The following LINGO2 variants were observed in gnomAD, a reference collection of about 807,000 sequenced individuals.
LINGO2 encodes the protein leucine rich repeat and Ig domain containing 2, also known as leucine-rich repeat and immunoglobulin-like domain-containing nogo receptor-interacting protein 2.
Under a neutral mutation model 30.6 loss-of-function variants are expected in LINGO2, and 14 were observed. The observed-to-expected ratio is 0.46, with a 90% CI of 0.30 to 0.72. LINGO2 has a LOEUF of 0.72. LINGO2 is among the 30% of genes least tolerant of loss of function. The pLI is 0.07. For synonymous variants in LINGO2, 317 were observed against 288.5 expected (o/e 1.10, Z -1.00); for missense variants, 729 against 751.7 (o/e 0.97, Z 0.35).
chr9:29,187,063 C>T, the LINGO2 span, among the ~76,000 whole-genome samples: 1 of 151,970 alleles, frequency 6.6e-6, no homozygotes, highest in Non-Finnish European at 1.5e-5. Flanking sequence ...GTTCCTTGTA[C>T]CAACTCACAA....
chr9:28,024,223 T>G (rs1038269782), intron 4 of LINGO2, among the ~76,000 whole-genome samples: 7 of 152,192 alleles, frequency 4.6e-5, no homozygotes, highest in African/African-American at 1.7e-4. Flanking sequence ...TTTAAATAAG[T>G]ACTTTCAGGG....
At chr9:28,414,627 C>T (rs17770336) in intron 2 of LINGO2, among the ~76,000 whole-genome samples, 39,834 of 151,802 alleles carry the variant, frequency 0.26, 5,743 homozygotes, top group Non-Finnish European at 0.32. Flanking sequence ...ACATGCTGGA[C>T]TGTTAAAATA....
intron 4 of LINGO2, among the ~76,000 whole-genome samples, chr9:28,057,109 A>T (rs1009728414): frequency 1.3e-5 from 2 of 152,124 alleles, no homozygotes; most frequent in African/African-American, 4.8e-5. Flanking sequence ...TGCGCTTATG[A>T]ATGAATGCAG....
intron 4 of LINGO2, among the ~76,000 whole-genome samples, chr9:28,019,394 G>A (rs1456567867): frequency 2.0e-5 from 3 of 151,760 alleles, no homozygotes; most frequent in Non-Finnish European, 4.4e-5. Flanking sequence ...TGAGTGCTGG[G>A]TAGGGAACCA....
At chr9:28,553,622 C>T (rs558828106) in intron 1 of LINGO2, among the ~76,000 whole-genome samples, 161 of 152,044 alleles carry the variant, frequency 1.1e-3, no homozygotes, top group Non-Finnish European at 1.9e-3. Flanking sequence ...GGCAGGCCAA[C>T]GTTCAGATTC....
At chr9:28,104,266 G>GTTTGT (rs1826509107) in intron 4 of LINGO2, among the ~76,000 whole-genome samples, 2 of 97,430 alleles carry the variant, frequency 2.1e-5, no homozygotes, top group African/African-American at 3.8e-5. Flanking sequence ...TTTTTTGTTT[G>GTTTGT]TTTTTTTTTT....
At chr9:28,253,692 C>T (rs1358631918) in intron 4 of LINGO2, among the ~76,000 whole-genome samples, 1 of 152,120 alleles carries the variant, frequency 6.6e-6, no homozygotes, top group African/African-American at 2.4e-5. Flanking sequence ...GGGGCAAATG[C>T]CATTACCACC....
the LINGO2 span, among the ~76,000 whole-genome samples, chr9:28,807,222 A>G: frequency 6.6e-6 from 1 of 151,892 alleles, no homozygotes; most frequent in Non-Finnish European, 1.5e-5. Flanking sequence ...ACGGGGTTTC[A>G]CTGTGTTAGC....
chr9:28,427,384 A>G lies in LINGO2; in HGVS notation c.-279+48556T>C, dbSNP rs542834777. 3.9e-5 allele frequency among the ~76,000 whole-genome samples: 6 copies of G among 152,214 alleles called. No homozygotes were observed. In the South Asian group the frequency reaches 8.3e-4, roughly 21 times the overall value. On this transcript the variant is annotated intron_variant, in intron 2 of 5. Coordinates refer to ENST00000379992, the Ensembl canonical transcript of LINGO2. ...CGGTGTGTATGAATACGATCACTTC[A>G]CTACTCAAACAACTAGCTATTATTA...
chr9:28,320,028 T>A (rs1278100196), intron 3 of LINGO2, among the ~76,000 whole-genome samples: 2 of 152,082 alleles, frequency 1.3e-5, no homozygotes, highest in Non-Finnish European at 2.9e-5. Context: ...TTTCAAACAT[T>A]TTGTCTCATT....
intron 1 of LINGO2, among the ~76,000 whole-genome samples, chr9:28,494,626 A>C (rs984091964): frequency 2.6e-5 from 4 of 152,206 alleles, no homozygotes; most frequent in African/African-American, 4.8e-5. Context: ...ATTGATGGAC[A>C]TTTGGGTTGG....
chr9:28,541,802 G>C (rs1054295526), intron 1 of LINGO2, among the ~76,000 whole-genome samples: 2 of 152,126 alleles, frequency 1.3e-5, no homozygotes, highest in Non-Finnish European at 2.9e-5. Context: ...CTTGAATATG[G>C]TAAATCAGTT....
At chr9:29,055,117 G>A in the LINGO2 span, among the ~76,000 whole-genome samples, 1 of 152,164 alleles carries the variant, frequency 6.6e-6, no homozygotes, top group South Asian at 2.1e-4. Flanking sequence ...TACTCAGGAG[G>A]CTGAGGCAGG....
chr9:28,892,310 C>A, the LINGO2 span, among the ~76,000 whole-genome samples: 1 of 151,926 alleles, frequency 6.6e-6, no homozygotes, highest in African/African-American at 2.4e-5. Context: ...TGCCCATACA[C>A]TTTACAGAAA....
chr9:29,089,545 A>G, the LINGO2 span, among the ~76,000 whole-genome samples: 39 of 152,200 alleles, frequency 2.6e-4, 1 homozygote, highest in Middle Eastern at 0.014. Flanking sequence ...TCAACCAAAT[A>G]AACTCCAAAG....
chr9:28,452,571 T>C (rs1201832691), intron 2 of LINGO2, among the ~76,000 whole-genome samples: 2 of 151,874 alleles, frequency 1.3e-5, no homozygotes, highest in African/African-American at 4.8e-5. Flanking sequence ...CCTCATGCAA[T>C]ACACTGTTAG....
chr9:28,288,792 C>A (rs1326475406), intron 4 of LINGO2, among the ~76,000 whole-genome samples: 31 of 152,158 alleles, frequency 2.0e-4, no homozygotes, highest in Non-Finnish European at 3.7e-4. Flanking sequence ...TGAAGAGTTA[C>A]ATAGGTGAGA....
the LINGO2 span, among the ~76,000 whole-genome samples, chr9:28,988,315 T>A: frequency 6.6e-6 from 1 of 152,206 alleles, no homozygotes; most frequent in African/African-American, 2.4e-5. Context: ...GTTTTCGACT[T>A]AAAGTTTATT....
intron 4 of LINGO2, among the ~76,000 whole-genome samples, chr9:28,126,559 G>T (rs1827241685): frequency 6.6e-6 from 1 of 152,192 alleles, no homozygotes; most frequent in South Asian, 2.1e-4. Context: ...GTTTGAGATG[G>T]CATGACTTAA....
Sources: gnomAD v4.1 joint callset for allele counts (sites outside exome capture counted in the v4.1 genomes callset) on GRCh38, gnomAD v4.1.1 for gene constraint, MANE v1.5 for transcripts, NCBI Gene and HGNC (gene_info 2026-07-23, HGNC 2026-07-21) for gene names.